DENND4C: variants seen among roughly 807,000 people sequenced by gnomAD.
DENND4C encodes DENN domain-containing protein 4C.
DENND4C carries 108 observed loss-of-function variants against 203.0 expected under a neutral mutation model. The observed-to-expected ratio is 0.53, with a 90% CI of 0.46 to 0.62. The LOEUF (loss-of-function observed/expected upper bound fraction) is 0.62. Ranked by LOEUF, DENND4C falls within the 20% of genes least tolerant of loss-of-function variation. The pLI, the probability that DENND4C is intolerant of heterozygous loss-of-function variation, is 0.00. For missense variants in DENND4C, 2,481 were observed against 2,301.2 expected, an observed-to-expected ratio of 1.08 and a Z score of -1.60; for synonymous variants, 871 against 792.4, an observed-to-expected ratio of 1.10 and a Z score of -1.67.
chr9:19,274,617 T>C (rs1173800635), intron 1 of DENND4C, among the ~76,000 whole-genome samples: 1 of 152,168 alleles, frequency 6.6e-6, no homozygotes, highest in African/African-American at 2.4e-5. Flanking sequence ...ACTATCTTGA[T>C]TGTGGTAATG....
Position 19,298,031 on chromosome 9 carries a change from ATTTAT to A in DENND4C, c.1041-22_1041-18del, listed in dbSNP as rs1462332309. On this transcript the variant is annotated intron_variant, in intron 6 of 32. Coordinates refer to ENST00000434457, the MANE Select transcript of DENND4C (RefSeq NM_001330640.2). ...ATGCATTTAGAAAAGTAATTATTAT[ATTTAT>A]TTCAAATTTTTTTTTCTAGGCACAT... is the stretch of plus-strand genomic sequence containing the variant. The A allele has an allele frequency of 1.9e-6, 3 of 1,557,012 alleles. No homozygotes were observed. Among genetic ancestry groups the A allele is most frequent in the Non-Finnish European group, 2.6e-6 (3 of 1,138,288 alleles).
intron 20 of DENND4C, 96 bp downstream of exon 20, chr9:19,336,928 TG>T: frequency 1.7e-6 from 2 of 1,208,794 alleles, no homozygotes; most frequent in Non-Finnish European, 1.1e-6. Context: ...TTGTGTGATA[TG>T]ACTACTTTAA....
At chr9:19,285,658 T>C (rs2131079195) in intron 2 of DENND4C, among the ~76,000 whole-genome samples, 2 of 151,372 alleles carry the variant, frequency 1.3e-5, no homozygotes, top group Middle Eastern at 3.4e-3. Context: ...TAACCTAAGG[T>C]CACAAAGATT....
In DENND4C at chr9:19,352,122, A is replaced by G; in HGVS notation, c.4545A>G (p.Ser1515=). 1 of 1,613,952 alleles carries G rather than the reference A, an allele frequency of 6.2e-7. No individual in the cohort carries two copies. The highest frequency in any genetic ancestry group is 8.5e-7 in the Non-Finnish European group (1 of 1,179,920). ...RGMKGQDFEK[S]DHGSSQNTSM... ...TGAAAGGGCAAGACTTTGAAAAATC[A>G]GATCATGGTTCTTCTCAAAATACCA... Residue 1515 remains serine, a synonymous_variant, in exon 25 of 33, where the codon TCA becomes TCG. Transcript: ENST00000434457.
At chr9:19,282,164 C>T (rs75687748) in intron 2 of DENND4C, among the ~76,000 whole-genome samples, 5,572 of 144,552 alleles carry the variant, frequency 0.039, 341 homozygotes, top group African/African-American at 0.13. Flanking sequence ...AAAACACTTA[C>T]CATACAGCTG....
At position 19,346,937 on chromosome 9, in the gene DENND4C, G is replaced by A. The variant is rs1280864949; in HGVS notation, c.4168G>A (p.Val1390Ile). 6.2e-7 allele frequency: 1 copy of A among 1,614,050 alleles called. No individual in the cohort carries two copies. Among genetic ancestry groups the A allele is most frequent in the Non-Finnish European group, 8.5e-7 (1 of 1,180,020 alleles). Residue 1390 changes from valine to isoleucine, a missense_variant, in exon 23 of 33, where the codon GTA becomes ATA. This residue lies in a region of DENND4C where 2,289 missense variants were observed against 2,113.3 expected (regional missense o/e 1.08). Coordinates refer to ENST00000434457, the MANE Select transcript of DENND4C (RefSeq NM_001330640.2). Reference protein sequence around the residue: ...RSSPHGSLGSVVNSLSGLKLD... With the variant: ...RSSPHGSLGSIVNSLSGLKLD... ...TTCGCCACATGGCTCGTTGGGTTCTGTAGTAAATTCTTTGTCAGGGCTAAA... is the reference window on the plus strand; with the variant it reads ...TTCGCCACATGGCTCGTTGGGTTCTATAGTAAATTCTTTGTCAGGGCTAAA...
chr9:19,356,175 T>C lies in DENND4C; in HGVS notation c.4782-797T>C, dbSNP rs1825356616. Reference sequence around the variant, plus strand: ...ACTTAGTCTATCACCTATCTGTCTCTCCACCAATCTATCTTAAATTTTTAT... The same window carrying C: ...ACTTAGTCTATCACCTATCTGTCTCCCCACCAATCTATCTTAAATTTTTAT... On this transcript the variant is annotated intron_variant, in intron 26 of 32. Coordinates refer to ENST00000434457, the MANE Select transcript of DENND4C (RefSeq NM_001330640.2). 2.0e-5 allele frequency among the ~76,000 whole-genome samples: 3 copies of C among 152,144 alleles called. No individual in the cohort carries two copies. In the South Asian group the frequency reaches 6.2e-4, roughly 32 times the overall value.
chr9:19,247,361 C>T (rs1825545832), intron 1 of DENND4C, among the ~76,000 whole-genome samples: 1 of 152,148 alleles, frequency 6.6e-6, no homozygotes, highest in Non-Finnish European at 1.5e-5. Context: ...CCTTGACATG[C>T]CTTGACATCT....
intron 1 of DENND4C, among the ~76,000 whole-genome samples, chr9:19,261,532 T>C (rs1004272095): frequency 5.3e-5 from 8 of 151,766 alleles, no homozygotes; most frequent in Admixed American, 4.6e-4. Context: ...AGATAGGGTC[T>C]CACACTATTG....
intron 26 of DENND4C, among the ~76,000 whole-genome samples, chr9:19,356,443 CCCT>C (rs773648747): frequency 2.6e-5 from 4 of 151,982 alleles, no homozygotes; most frequent in South Asian, 2.1e-4. Context: ...CAAGGCCCTT[CCCT>C]CCTCAAGTCC....
intron 8 of DENND4C, among the ~76,000 whole-genome samples, chr9:19,299,818 C>G (rs1300280011): frequency 1.3e-5 from 2 of 152,140 alleles, no homozygotes; most frequent in African/African-American, 4.8e-5. Context: ...TCACCCTTTC[C>G]CTTACTATGC....
At chr9:19,354,489 G>T (rs1824903771) in intron 26 of DENND4C, among the ~76,000 whole-genome samples, 1 of 142,316 alleles carries the variant, frequency 7.0e-6, no homozygotes, top group Non-Finnish European at 1.5e-5. Flanking sequence ...TTTTGGCATT[G>T]TTTGAATTTC....
At chr9:19,256,259 C>CTT (rs1325342766) in intron 1 of DENND4C, among the ~76,000 whole-genome samples, 1 of 146,854 alleles carries the variant, frequency 6.8e-6, no homozygotes, top group Non-Finnish European at 1.5e-5. Context: ...GAAAAACATA[C>CTT]TTTATTTTTA....
chr9:19,344,067 A>G (rs963634284), intron 22 of DENND4C, among the ~76,000 whole-genome samples: 1 of 152,258 alleles, frequency 6.6e-6, no homozygotes, highest in East Asian at 1.9e-4. Context: ...ATTCTGATTA[A>G]TTGATATGAT....
At chr9:19,246,330 T>C (rs1266080522) in intron 1 of DENND4C, among the ~76,000 whole-genome samples, 3 of 152,214 alleles carry the variant, frequency 2.0e-5, no homozygotes, top group East Asian at 1.9e-4. Flanking sequence ...ACCACACATA[T>C]CTATTGTGCC....
intron 10 of DENND4C, among the ~76,000 whole-genome samples, chr9:19,314,838 AAG>A: frequency 6.6e-6 from 1 of 152,132 alleles, no homozygotes; most frequent in Non-Finnish European, 1.5e-5. Flanking sequence ...GACTTAGGTA[AAG>A]GGCTTACAAC....
At position 19,360,316 on chromosome 9, in the gene DENND4C, G is replaced by T. The variant is rs769171227; in HGVS notation, c.5233G>T (p.Glu1745Ter). The T allele has an allele frequency of 1.9e-6, 3 of 1,614,004 alleles. No individual in the cohort carries two copies. Among genetic ancestry groups the T allele is most frequent in the Non-Finnish European group, 2.5e-6 (3 of 1,179,974 alleles). ...CTTGAGTCCTCTAGTACTCCGTAAA[G>T]AACTTGAATCTTTGCTAGAAAATGA... ...PYLSPLVLRK[E>*]LESLLENEGD... is the part of the protein sequence containing the mutation. Residue 1745 changes from glutamate to a stop codon, truncating the protein, a stop_gained, in exon 29 of 33, where the codon GAA becomes TAA. Transcript: ENST00000434457. LOFTEE classifies it high-confidence loss of function.
At chr9:19,341,239 C>T in intron 21 of DENND4C, 125 bp downstream of exon 21, 1 of 685,632 alleles carries the variant, frequency 1.5e-6, no homozygotes, top group South Asian at 2.8e-5. Context: ...TCCTAAGATG[C>T]TGTGTACTGT....
chr9:19,283,495 A>G lies in DENND4C; in HGVS notation c.306-3274A>G, dbSNP rs796180406. Among the ~76,000 whole-genome samples, 10 of 152,172 alleles carry G rather than the reference A, an allele frequency of 6.6e-5. 1 individual carries two copies. Among genetic ancestry groups the G allele is most frequent in the African/African-American group, 2.4e-4 (10 of 41,524 alleles). ...CAGCTCCATTATAATCTATGGCACC[A>G]CCATAGTATATGCAGTCTGTGCTTG... On this transcript the variant is annotated intron_variant, in intron 2 of 32. Coordinates refer to ENST00000434457, the MANE Select transcript of DENND4C (RefSeq NM_001330640.2).
Sources: allele counts gnomAD v4.1 joint callset (sites outside exome capture counted in the v4.1 genomes callset), GRCh38; gene constraint gnomAD v4.1.1; regional missense constraint gnomAD v4.1.1; transcripts MANE v1.5; gene names NCBI Gene and HGNC (gene_info 2026-07-23, HGNC 2026-07-21).